Variants in IL12A observed in about 807,000 individuals in gnomAD.
The protein encoded by IL12A is interleukin 12A.
Under a neutral mutation model 23.5 loss-of-function variants are expected in IL12A, and 16 were observed. The ratio of observed to expected loss-of-function variants is 0.68; its 90% CI spans 0.46 to 1.03. IL12A has a LOEUF of 1.03. Among genes scored for constraint, IL12A ranks in the 50% least tolerant of loss-of-function variants. IL12A has a pLI of 0.00. For synonymous variants in IL12A, 106 were observed against 111.5 expected, an observed-to-expected ratio of 0.95 and a Z score of 0.31; for missense variants, 275 against 307.0, an observed-to-expected ratio of 0.90 and a Z score of 0.78.
Position 159,988,978 on chromosome 3 carries a change from A to T in IL12A, c.-79A>T. 2 of 1,182,934 alleles carry T rather than the reference A, an allele frequency of 1.7e-6. No individual in the cohort carries two copies. Among genetic ancestry groups the T allele is most frequent in the Non-Finnish European group, 2.5e-6 (2 of 790,448 alleles). 73.3% of individuals were successfully genotyped at this position (1,182,934 alleles called of 1,614,324 possible). ...ACGTGTCACCGAGAAGCTGATGTAG[A>T]GAGAGACACAGAAGGAGACAGAAAG... On this transcript the variant is annotated 5_prime_UTR_variant, in exon 1 of 7. Coordinates refer to ENST00000305579, the MANE Select transcript of IL12A (RefSeq NM_000882.4).
chr3:159,988,975 T>G lies in IL12A; in HGVS notation c.-82T>G. ...CGCACGTGTCACCGAGAAGCTGATG[T>G]AGAGAGAGACACAGAAGGAGACAGA... is the stretch of plus-strand genomic sequence containing the variant. On this transcript the variant is annotated 5_prime_UTR_variant, in exon 1 of 7. An upstream open reading frame in the 5' UTR loses its in-frame stop. Transcript: ENST00000305579. The G allele has an allele frequency of 1.7e-6, 2 of 1,161,852 alleles. No homozygotes were observed. Among genetic ancestry groups the G allele is most frequent in the Non-Finnish European group, 2.6e-6 (2 of 774,962 alleles). 72.0% of individuals were successfully genotyped at this position (1,161,852 alleles called of 1,614,324 possible).
intron 2 of IL12A, 84 bp from the exon 3 acceptor site, chr3:159,992,928 C>A: frequency 1.3e-6 from 1 of 749,414 alleles, no homozygotes; most frequent in Non-Finnish European, 2.2e-6. Context: ...CCGGAGCCTT[C>A]CTGGCACCCT....
rs763929222 is a variant in IL12A, at chr3:159,993,852, T to C, written c.606+8T>C. Reference sequence around the variant, plus strand: ...ATTGATGAGCTGATGCAGGTAAGACTTCATTCTATCAGTGAGAGCACCTTT... The same window carrying C: ...ATTGATGAGCTGATGCAGGTAAGACCTCATTCTATCAGTGAGAGCACCTTT... On this transcript the variant is annotated splice_region_variant and intron_variant, in intron 6 of 6. Transcript: ENST00000305579. The C allele has an allele frequency of 2.5e-6, 4 of 1,613,784 alleles. No homozygotes were observed. The highest frequency in any genetic ancestry group is 2.5e-6 in the Non-Finnish European group (3 of 1,179,774).
At chr3:159,993,257 G>C in intron 3 of IL12A, 132 bp downstream of exon 3, 1 of 727,540 alleles carries the variant, frequency 1.4e-6, no homozygotes, top group Non-Finnish European at 2.3e-6. Flanking sequence ...TCAGAAGTTA[G>C]ATTTGGGAGA....
intron 3 of IL12A, 54 bp downstream of exon 3, chr3:159,993,179 A>G: frequency 1.0e-6 from 1 of 975,584 alleles, no homozygotes; most frequent in Non-Finnish European, 1.6e-6. Context: ...CTGTGCATCA[A>G]ATCTCACCTG....
Position 159,989,135 on chromosome 3 carries a change from G to A in IL12A, c.79G>A (p.Val27Met). ...AGGTCTGCATCCAGCGGCTCGCCCT[G>A]TGTCCCTGCAGTGCCGGCTCAGCAT... Residue 27 changes from valine to methionine, a missense_variant, in exon 1 of 7, where the codon GTG becomes ATG. It adds an upstream start codon to the 5' untranslated region. Transcript: ENST00000305579. 1.9e-6 allele frequency: 3 copies of A among 1,612,322 alleles called. No individual in the cohort carries two copies. Among genetic ancestry groups the A allele is most frequent in the Non-Finnish European group, 2.5e-6 (3 of 1,179,630 alleles).
At chr3:159,993,150 C>G in intron 3 of IL12A, 25 bp downstream of exon 3, 1 of 1,250,740 alleles carries the variant, frequency 8.0e-7, no homozygotes, top group South Asian at 1.2e-5. Context: ...CCTCCCAGAG[C>G]ATGCAGTGTG....
At chr3:159,990,442 G>A in intron 2 of IL12A, 130 bp downstream of exon 2, 1 of 920,384 alleles carries the variant, frequency 1.1e-6, no homozygotes, top group South Asian at 1.7e-5. Context: ...GTCAACAGCA[G>A]GAGAGGGAAC....
rs1289879522 is a variant in IL12A at position 159,989,054 on chromosome 3, A to T, written c.-3A>T. On this transcript the variant is annotated 5_prime_UTR_variant, in exon 1 of 7. Transcript: ENST00000305579. ...CCTGCCGCGCCTCGGGACAATTATA[A>T]AAATGTGGCCCCCTGGGTCAGCCTC... 6.2e-7 allele frequency: 1 copy of T among 1,612,454 alleles called. No individual in the cohort carries two copies. Among genetic ancestry groups the T allele is most frequent in the Admixed American group, 1.7e-5 (1 of 60,004 alleles).
At chr3:159,992,017 C>A (rs773078510) in intron 2 of IL12A, among the ~76,000 whole-genome samples, 1 of 152,184 alleles carries the variant, frequency 6.6e-6, no homozygotes, top group Non-Finnish European at 1.5e-5. Flanking sequence ...TAGCTCATTA[C>A]CGGGTTCCAG....
Position 159,989,188 on chromosome 3 carries a change from C to T in IL12A, c.118+14C>T, listed in dbSNP as rs757703964. The stretch of plus-strand genomic sequence containing the variant: ...GTCCAGCGCGCAGTGAGTACTCAGC[C>T]CGCCAGGTCTTTGGCTCGCTCGGGT... On this transcript the variant is annotated intron_variant, in intron 1 of 6. Coordinates refer to ENST00000305579, the MANE Select transcript of IL12A (RefSeq NM_000882.4). 5.0e-6 allele frequency: 8 copies of T among 1,604,302 alleles called. No homozygotes were observed. The Admixed American group carries it at 1.3e-4, about 27-fold the overall frequency.
At chr3:159,994,579 C>CGCGT (rs1553809859) in intron 6 of IL12A, among the ~76,000 whole-genome samples, 1 of 135,636 alleles carries the variant, frequency 7.4e-6, no homozygotes, top group African/African-American at 2.6e-5. Flanking sequence ...TTATTCTTTT[C>CGCGT]GTGTGTGTGT....
intron 1 of IL12A, among the ~76,000 whole-genome samples, chr3:159,989,890 A>G (rs1577555832): frequency 6.6e-6 from 1 of 152,284 alleles, no homozygotes; most frequent in South Asian, 2.1e-4. Context: ...CTGATCAAAA[A>G]CATGTAGGCT....
At chr3:159,995,351 A>G (rs1273510449) in intron 6 of IL12A, 53 bp from the exon 7 acceptor site, 7 of 1,416,956 alleles carry the variant, frequency 4.9e-6, no homozygotes, top group Admixed American at 4.6e-5. Context: ...TTATGAATGA[A>G]TATTTGAATT....
intron 2 of IL12A, 28 bp from the exon 3 acceptor site, chr3:159,992,984 A>G: frequency 2.2e-6 from 3 of 1,370,324 alleles, no homozygotes; most frequent in Non-Finnish European, 1.0e-6. Flanking sequence ...CAATGTTATA[A>G]ACTGAGTTTC....
intron 6 of IL12A, chr3:159,994,211 T>G: frequency 5.4e-6 from 1 of 185,894 alleles, no homozygotes; most frequent in Non-Finnish European, 1.1e-5. Flanking sequence ...TCAAGAGGAT[T>G]TCACTACACT....
chr3:159,989,738 G>T (rs1486938313), intron 1 of IL12A, among the ~76,000 whole-genome samples: 2 of 152,134 alleles, frequency 1.3e-5, no homozygotes, highest in Non-Finnish European at 2.9e-5. Flanking sequence ...AGCCAAAATC[G>T]TGCCACTGCA....
intron 2 of IL12A, 147 bp from the exon 3 acceptor site, chr3:159,992,865 T>C (rs1187485224): frequency 5.0e-6 from 3 of 598,680 alleles, no homozygotes; most frequent in Non-Finnish European, 9.0e-6. Flanking sequence ...TTTTGTATTA[T>C]GAAGAACCAG....
In IL12A at chr3:159,995,576, A is replaced by G; in HGVS notation, c.*17A>G. ...GCTTCCTAAAAAGCGAGGTCCCTCCAAACCGTTGTCATTTTTATAAAACTT... is the reference window on the plus strand; with the variant it reads ...GCTTCCTAAAAAGCGAGGTCCCTCCGAACCGTTGTCATTTTTATAAAACTT... On this transcript the variant is annotated 3_prime_UTR_variant, in exon 7 of 7. Transcript: ENST00000305579. 1 of 1,551,092 alleles carries G rather than the reference A, an allele frequency of 6.4e-7. No individual in the cohort carries two copies. Among genetic ancestry groups the G allele is most frequent in the East Asian group, 2.3e-5 (1 of 42,700 alleles).
Sources: allele counts gnomAD v4.1 joint callset (sites outside exome capture counted in the v4.1 genomes callset), GRCh38; gene constraint gnomAD v4.1.1; transcripts MANE v1.5; gene names NCBI Gene and HGNC (gene_info 2026-07-23, HGNC 2026-07-21).